Variants in MS4A5 observed in about 807,000 individuals in gnomAD.
MS4A5 encodes membrane spanning 4-domains A5.
A neutral mutation model predicts 18.2 loss-of-function variants in MS4A5; 15 were observed. The ratio of observed to expected loss-of-function variants is 0.83; its 90% CI spans 0.55 to 1.27. MS4A5 has a LOEUF of 1.27. Ranked by LOEUF, MS4A5 falls within the 50% of genes most tolerant of loss-of-function variation. The probability of loss-of-function intolerance (pLI) is 0.00; values close to 1 mark genes in which losing one functional copy is unlikely to be tolerated. For synonymous variants in MS4A5, 89 were observed against 78.7 expected, an observed-to-expected ratio of 1.13 and a Z score of -0.69; for missense variants, 232 against 225.7, an observed-to-expected ratio of 1.03 and a Z score of -0.18.
In MS4A5 at chr11:60,430,921, T is replaced by G; in HGVS notation, c.279T>G (p.Val93=). ...CAGGATATCCATTCTGGGGCTCTGT[T>G]TTGGTGAGTATAGTCAATCAAGTTC... The part of the protein sequence containing the change: ...FLSGYPFWGS[V]LFINSGAFLI... Residue 93 remains valine, a synonymous_variant, in exon 2 of 5, where the codon GTT becomes GTG. Transcript: ENST00000300190. 1 of 1,611,594 alleles carries G rather than the reference T, an allele frequency of 6.2e-7. No homozygotes were observed. Among genetic ancestry groups the G allele is most frequent in the Non-Finnish European group, 8.5e-7 (1 of 1,179,642 alleles).
Position 60,429,642 on chromosome 11 carries a change from A to G in MS4A5, c.-33A>G, listed in dbSNP as rs374442279. The G allele has an allele frequency of 1.8e-5, 29 of 1,592,014 alleles. No homozygotes were observed. Among genetic ancestry groups the G allele is most frequent in the Non-Finnish European group, 2.3e-5 (27 of 1,171,680 alleles). ...TGGTCTAGACTGAAGTACCAACTAA[A>G]TCATCTCCTTTCAAATTATCACCGA... On this transcript the variant is annotated 5_prime_UTR_variant, in exon 1 of 5. Transcript: ENST00000300190.
At chr11:60,435,577 C>T in intron 4 of MS4A5, 1 of 318,948 alleles carries the variant, frequency 3.1e-6, no homozygotes, top group Non-Finnish European at 6.1e-6. Flanking sequence ...GGTGCGTGCA[C>T]CCTGCGCGAG....
In MS4A5 at chr11:60,432,318, G is replaced by A. The variant is rs115468185; in HGVS notation, c.283-93G>A. On this transcript the variant is annotated intron_variant, in intron 2 of 4. Coordinates refer to ENST00000300190, the MANE Select transcript of MS4A5 (RefSeq NM_023945.3). Reference sequence around the variant, plus strand: ...TGAGGAGTGTGTGAACTTAGAAGGCGGGCCTGTAAAAGAAATGCATAGAGG... The same window carrying A: ...TGAGGAGTGTGTGAACTTAGAAGGCAGGCCTGTAAAAGAAATGCATAGAGG... 2,607 of 704,610 alleles carry A rather than the reference G, an allele frequency of 3.7e-3. 36 individuals carry two copies. Among genetic ancestry groups the A allele is most frequent in the African/African-American group, 0.024 (1,320 of 54,032 alleles). 43.6% of individuals were successfully genotyped at this position (704,610 alleles called of 1,614,324 possible).
chr11:60,441,428 T>TATAATA (rs2086111326), intron 4 of MS4A5, among the ~76,000 whole-genome samples: 2 of 91,658 alleles, frequency 2.2e-5, no homozygotes, highest in South Asian at 7.4e-4. Context: ...TAAAGTATAA[T>TATAATA]AAAAAAAAAG....
At chr11:60,441,319 C>G (rs1240763773) in intron 4 of MS4A5, among the ~76,000 whole-genome samples, 1 of 83,474 alleles carries the variant, frequency 1.2e-5, no homozygotes, top group Non-Finnish European at 2.8e-5. Context: ...GGGAGATATA[C>G]CTAATGCTAG....
intron 4 of MS4A5, among the ~76,000 whole-genome samples, chr11:60,441,375 A>G (rs1262068555): frequency 8.1e-6 from 1 of 123,242 alleles, no homozygotes; most frequent in Non-Finnish European, 1.7e-5. Context: ...ACATGTATAC[A>G]TATGTAACTA....
At chr11:60,435,865 G>A (rs1051517889) in intron 4 of MS4A5, among the ~76,000 whole-genome samples, 41 of 152,196 alleles carry the variant, frequency 2.7e-4, no homozygotes, top group African/African-American at 8.2e-4. Flanking sequence ...AGGGGCGCCC[G>A]CCATTGCCCA....
At chr11:60,431,095 T>G (rs1407252002) in intron 2 of MS4A5, among the ~76,000 whole-genome samples, 171 bp downstream of exon 2, 1 of 152,260 alleles carries the variant, frequency 6.6e-6, no homozygotes, top group Non-Finnish European at 1.5e-5. Context: ...TGATATTCCA[T>G]CATTAGGTCT....
chr11:60,447,124 CCTATG>C (rs571065253), intron 4 of MS4A5, among the ~76,000 whole-genome samples: 9 of 145,370 alleles, frequency 6.2e-5, no homozygotes, highest in East Asian at 2.0e-4. Context: ...CCTATGCTAT[CCTATG>C]CTATGCTATG....
chr11:60,431,034 C>CA (rs1357878029), intron 2 of MS4A5, 110 bp downstream of exon 2: 2 of 1,193,308 alleles, frequency 1.7e-6, no homozygotes, highest in Non-Finnish European at 1.2e-6. Context: ...TTCAAAAGTG[C>CA]AAAAAACTAA....
chr11:60,435,358 A>G (rs982810095), intron 4 of MS4A5: 10 of 442,068 alleles, frequency 2.3e-5, no homozygotes, highest in Non-Finnish European at 4.0e-5. Context: ...TTCTGATACT[A>G]AGTATATTAG....
At chr11:60,436,963 A>T (rs1184014665) in intron 4 of MS4A5, among the ~76,000 whole-genome samples, 2 of 133,270 alleles carry the variant, frequency 1.5e-5, no homozygotes, top group Non-Finnish European at 3.3e-5. Flanking sequence ...TCCAAGACAC[A>T]TAATTGTGAG....
chr11:60,445,000 T>C (rs1026289079), intron 4 of MS4A5, among the ~76,000 whole-genome samples: 1 of 151,912 alleles, frequency 6.6e-6, no homozygotes, highest in Non-Finnish European at 1.5e-5. Flanking sequence ...ATTATTCAAA[T>C]AATAGAATAC....
At chr11:60,436,861 C>G (rs1354627342) in intron 4 of MS4A5, among the ~76,000 whole-genome samples, 1 of 134,288 alleles carries the variant, frequency 7.4e-6, no homozygotes, top group African/African-American at 2.6e-5. Context: ...GGATATTATC[C>G]AGGAGAACTT....
chr11:60,444,769 T>C (rs2086130655), intron 4 of MS4A5, among the ~76,000 whole-genome samples: 1 of 152,150 alleles, frequency 6.6e-6, no homozygotes, highest in Non-Finnish European at 1.5e-5. Flanking sequence ...TACCGGGTGT[T>C]GGAAGGAATG....
At position 60,447,371 on chromosome 11, in the gene MS4A5, A is replaced by T. The variant is rs202072981; in HGVS notation, c.493-278A>T. On this transcript the variant is annotated intron_variant, in intron 4 of 4. Transcript: ENST00000300190. ...TATGCTATGCTATGCTATGCTATGC[A>T]ATGCAGTGCTATGCTATCCTATGCT... 1.8e-3 allele frequency among the ~76,000 whole-genome samples: 182 copies of T among 100,414 alleles called. 1 individual carries two copies. Among genetic ancestry groups the T allele is most frequent in the African/African-American group, 6.7e-3 (165 of 24,584 alleles). The allele number at this position is 100,414 out of a possible 152,430, so 65.9% of individuals were successfully genotyped here. A position where few individuals can be genotyped will look rare whatever the true frequency, so the allele number is the denominator to read the frequency against.
At chr11:60,442,620 G>A (rs572636824) in intron 4 of MS4A5, among the ~76,000 whole-genome samples, 4 of 152,064 alleles carry the variant, frequency 2.6e-5, no homozygotes, top group African/African-American at 4.8e-5. Flanking sequence ...TAACCTGCAC[G>A]TCCTGCACAT....
chr11:60,442,577 G>T (rs749457808), intron 4 of MS4A5, among the ~76,000 whole-genome samples: 1 of 152,142 alleles, frequency 6.6e-6, no homozygotes, highest in Non-Finnish European at 1.5e-5. Flanking sequence ...GTTGATAAGT[G>T]CAGCAAACCA....
At chr11:60,445,326 C>T (rs1335068334) in intron 4 of MS4A5, among the ~76,000 whole-genome samples, 2 of 151,442 alleles carry the variant, frequency 1.3e-5, no homozygotes, top group Non-Finnish European at 2.9e-5. Flanking sequence ...GTGATGTCAT[C>T]TCGGCTTACT....
Sources: allele counts gnomAD v4.1 joint callset (sites outside exome capture counted in the v4.1 genomes callset), GRCh38; gene constraint gnomAD v4.1.1; transcripts MANE v1.5; gene names NCBI Gene and HGNC (gene_info 2026-07-23, HGNC 2026-07-21).